The following CNTNAP2 variants were observed in gnomAD, a reference collection of about 807,000 sequenced individuals.
The protein encoded by CNTNAP2 is contactin associated protein 2, also known as contactin-associated protein-like 2.
In CNTNAP2, 98 loss-of-function variants were observed where a neutral mutation model predicts 155.2. The observed-to-expected ratio is 0.63, with a 90% CI of 0.54 to 0.75. The LOEUF (loss-of-function observed/expected upper bound fraction) is 0.75, where lower values mean the gene tolerates loss of function less well. CNTNAP2 is among the 30% of genes least tolerant of loss of function. The pLI is 0.00. For synonymous variants in CNTNAP2, 651 were observed against 631.2 expected (o/e 1.03, Z -0.47); for missense variants, 1,727 against 1,688.1 (o/e 1.02, Z -0.40).
At chr7:146,163,502 T>C (rs565305963) in intron 1 of CNTNAP2, among the ~76,000 whole-genome samples, 1 of 43,134 alleles carries the variant, frequency 2.3e-5, no homozygotes, top group African/African-American at 7.5e-5. Flanking sequence ...TCTATATCTA[T>C]ATATCTATAT....
chr7:146,917,933 T>A (rs1011921632), intron 3 of CNTNAP2, among the ~76,000 whole-genome samples: 1 of 152,336 alleles, frequency 6.6e-6, no homozygotes. Context: ...AGTGTAAAAA[T>A]GAACTAATAC....
At chr7:146,991,656 A>G (rs1479459602) in intron 3 of CNTNAP2, among the ~76,000 whole-genome samples, 1 of 152,168 alleles carries the variant, frequency 6.6e-6, no homozygotes, top group South Asian at 2.1e-4. Flanking sequence ...GACTTAGCTA[A>G]GCTGGTTTTG....
intron 11 of CNTNAP2, among the ~76,000 whole-genome samples, chr7:147,542,301 T>TTA (rs758376002): frequency 1.4e-5 from 2 of 143,638 alleles, no homozygotes; most frequent in Admixed American, 6.9e-5. Flanking sequence ...TGTTCAGTGG[T>TTA]AAAAAAAAAA....
chr7:147,228,972 TAAGAGACATGA>T (rs976843924), intron 8 of CNTNAP2, among the ~76,000 whole-genome samples: 2 of 152,098 alleles, frequency 1.3e-5, no homozygotes, highest in Non-Finnish European at 1.5e-5. Flanking sequence ...CATGTCCCTG[TAAGAGACATGA>T]ACTCATCCTT....
intron 21 of CNTNAP2, among the ~76,000 whole-genome samples, chr7:148,306,718 C>T (rs1797497633): frequency 1.3e-5 from 2 of 151,918 alleles, no homozygotes; most frequent in South Asian, 4.2e-4. Flanking sequence ...GTTTCTTTTC[C>T]TACTCAGCCT....
intron 8 of CNTNAP2, among the ~76,000 whole-genome samples, chr7:147,156,438 T>A (rs1003901070): frequency 1.3e-5 from 2 of 152,202 alleles, no homozygotes; most frequent in South Asian, 2.1e-4. Context: ...TTCCTTTGTT[T>A]GCCAGAGAAA....
At chr7:146,596,717 G>A (rs1463518991) in intron 1 of CNTNAP2, among the ~76,000 whole-genome samples, 1 of 151,754 alleles carries the variant, frequency 6.6e-6, no homozygotes, top group Non-Finnish European at 1.5e-5. Context: ...ACAGGTTCAG[G>A]GGCCAGACAG....
chr7:147,547,746 G>A (rs565995514), intron 11 of CNTNAP2, among the ~76,000 whole-genome samples: 2 of 151,428 alleles, frequency 1.3e-5, no homozygotes, highest in African/African-American at 4.8e-5. Context: ...TATCCTCTAA[G>A]TTCCCTCCCT....
intron 9 of CNTNAP2, among the ~76,000 whole-genome samples, chr7:147,339,337 G>A (rs550475546): frequency 1.3e-5 from 2 of 152,018 alleles, no homozygotes; most frequent in Non-Finnish European, 2.9e-5. Flanking sequence ...CTGTTTTGCA[G>A]GAATGGATTA....
chr7:146,687,135 G>A (rs1286894383), intron 1 of CNTNAP2, among the ~76,000 whole-genome samples: 1 of 152,078 alleles, frequency 6.6e-6, no homozygotes, highest in Non-Finnish European at 1.5e-5. Context: ...ACGGTTAAAT[G>A]TCTCTACAAT....
At chr7:146,744,149 A>G (rs1801768379) in intron 1 of CNTNAP2, among the ~76,000 whole-genome samples, 1 of 144,524 alleles carries the variant, frequency 6.9e-6, no homozygotes, top group Admixed American at 7.4e-5. Flanking sequence ...AATCGCTGGA[A>G]CCTGGGGGGA....
At chr7:147,640,163 G>GATAT (rs150554246) in intron 13 of CNTNAP2, among the ~76,000 whole-genome samples, 2,232 of 148,512 alleles carry the variant, frequency 0.015, 190 homozygotes, top group Admixed American at 0.14. Flanking sequence ...AATATGATAT[G>GATAT]ATATATATAT....
chr7:147,450,728 A>G (rs2116567899), intron 10 of CNTNAP2, among the ~76,000 whole-genome samples: 1 of 152,326 alleles, frequency 6.6e-6, no homozygotes, highest in South Asian at 2.1e-4. Context: ...TGACTTTAAG[A>G]TGCCAGTAAA....
intron 10 of CNTNAP2, among the ~76,000 whole-genome samples, chr7:147,418,463 G>A (rs917932422): frequency 6.6e-6 from 1 of 152,182 alleles, no homozygotes; most frequent in African/African-American, 2.4e-5. Flanking sequence ...CACCAAGAAT[G>A]TCTGGGCTTG....
At chr7:147,372,336 G>C (rs529570806) in intron 9 of CNTNAP2, among the ~76,000 whole-genome samples, 1 of 152,046 alleles carries the variant, frequency 6.6e-6, no homozygotes, top group Non-Finnish European at 1.5e-5. Context: ...GAATGTTCTC[G>C]AGAGACCACT....
At chr7:147,963,643 C>G (rs550792579) in intron 14 of CNTNAP2, among the ~76,000 whole-genome samples, 1 of 152,070 alleles carries the variant, frequency 6.6e-6, no homozygotes, top group Non-Finnish European at 1.5e-5. Context: ...CACCCAGACA[C>G]GCGAAATGCT....
At chr7:147,595,198 A>G (rs908350126) in intron 12 of CNTNAP2, among the ~76,000 whole-genome samples, 2 of 152,150 alleles carry the variant, frequency 1.3e-5, no homozygotes, top group South Asian at 2.1e-4. Flanking sequence ...AATTTTCTCT[A>G]TTCTTAATGT....
intron 8 of CNTNAP2, among the ~76,000 whole-genome samples, chr7:147,263,923 G>A (rs910236730): frequency 6.6e-6 from 1 of 152,154 alleles, no homozygotes; most frequent in Non-Finnish European, 1.5e-5. Context: ...GCATGCATGT[G>A]TGTTTGAGTC....
intron 13 of CNTNAP2, among the ~76,000 whole-genome samples, chr7:147,854,830 C>T (rs1799009991): frequency 6.6e-6 from 1 of 152,020 alleles, no homozygotes; most frequent in Admixed American, 6.6e-5. Context: ...CTACATGGAA[C>T]CTAAGTATAA....
Sources: gnomAD v4.1 joint callset for allele counts (sites outside exome capture counted in the v4.1 genomes callset) on GRCh38, gnomAD v4.1.1 for gene constraint, MANE v1.5 for transcripts, NCBI Gene and HGNC (gene_info 2026-07-23, HGNC 2026-07-21) for gene names.